The following COL25A1 variants were observed in gnomAD, a reference collection of about 807,000 sequenced individuals.
The protein encoded by COL25A1 is collagen type XXV alpha 1 chain, also known as collagen alpha-1(XXV) chain.
A neutral mutation model predicts 128.4 loss-of-function variants in COL25A1; 103 were observed. The ratio of observed to expected loss-of-function variants is 0.80; its 90% CI spans 0.68 to 0.94. COL25A1 has a LOEUF of 0.94. Among genes scored for constraint, COL25A1 ranks in the 40% least tolerant of loss-of-function variants. The pLI is 0.00. For synonymous variants in COL25A1, 279 were observed against 277.2 expected, an observed-to-expected ratio of 1.01 and a Z score of -0.06; for missense variants, 745 against 840.0, an observed-to-expected ratio of 0.89 and a Z score of 1.40.
At chr4:108,865,507 A>G (rs573334874) in intron 20 of COL25A1, among the ~76,000 whole-genome samples, 5 of 152,322 alleles carry the variant, frequency 3.3e-5, no homozygotes, top group African/African-American at 1.2e-4. Context: ...AGATAGACAC[A>G]ATGGCCCAGA....
intron 3 of COL25A1, among the ~76,000 whole-genome samples, chr4:109,126,319 A>G (rs894025664): frequency 1.3e-5 from 2 of 152,138 alleles, no homozygotes; most frequent in African/African-American, 4.8e-5. Context: ...GAGACTTTCA[A>G]GGAATAAGAA....
chr4:109,106,996 T>G (rs1490767698), intron 3 of COL25A1, among the ~76,000 whole-genome samples: 19 of 152,150 alleles, frequency 1.2e-4, no homozygotes, highest in Non-Finnish European at 2.5e-4. Flanking sequence ...CTTGAACTCC[T>G]GGGCTCAAGC....
At chr4:109,267,046 AT>A (rs1255306006) in intron 3 of COL25A1, among the ~76,000 whole-genome samples, 1 of 152,276 alleles carries the variant, frequency 6.6e-6, no homozygotes, top group East Asian at 1.9e-4. Context: ...ACTGGTGTGC[AT>A]TTTTTTAAGC....
chr4:109,133,527 A>G (rs1216908787), intron 3 of COL25A1, among the ~76,000 whole-genome samples: 1 of 152,138 alleles, frequency 6.6e-6, no homozygotes, highest in African/African-American at 2.4e-5. Context: ...AGAAAGGGCC[A>G]AATTTGCTCA....
At chr4:108,913,733 A>C (rs994058275) in intron 13 of COL25A1, among the ~76,000 whole-genome samples, 2 of 152,240 alleles carry the variant, frequency 1.3e-5, no homozygotes, top group African/African-American at 2.4e-5. Flanking sequence ...AAAAACCAAC[A>C]TCTAAGTATA....
Position 109,033,008 on chromosome 4 carries a change from TA to T in COL25A1, c.420+15159del, listed in dbSNP as rs556687696. 3.4e-3 allele frequency among the ~76,000 whole-genome samples: 513 copies of T among 152,298 alleles called. 2 individuals are homozygous for T. Among genetic ancestry groups the T allele is most frequent in the African/African-American group, 0.012 (479 of 41,556 alleles). ...TGTATTAATAATTGGTGTGCACAAGTAAATTAGGCTATCCCACCAGGTCCTC... is the reference window on the plus strand; with the variant it reads ...TGTATTAATAATTGGTGTGCACAAGTAATTAGGCTATCCCACCAGGTCCTC... On this transcript the variant is annotated intron_variant, in intron 5 of 37. Transcript: ENST00000399132.
At chr4:108,943,243 A>G (rs1159760263) in intron 8 of COL25A1, among the ~76,000 whole-genome samples, 6 of 152,218 alleles carry the variant, frequency 3.9e-5, no homozygotes, top group Admixed American at 3.9e-4. Flanking sequence ...GGAGATAACT[A>G]TAGACACTGT....
chr4:108,925,574 G>A (rs965193949), intron 11 of COL25A1, among the ~76,000 whole-genome samples: 2 of 152,172 alleles, frequency 1.3e-5, no homozygotes, highest in Non-Finnish European at 2.9e-5. Context: ...TATGTGTATG[G>A]CCTTGTAGGT....
chr4:109,142,749 T>C (rs1223354417), intron 3 of COL25A1, among the ~76,000 whole-genome samples: 4 of 152,168 alleles, frequency 2.6e-5, no homozygotes, highest in Admixed American at 1.3e-4. Context: ...TTTTTTGCTT[T>C]CCATTTTCTT....
At position 108,912,225 on chromosome 4, in the gene COL25A1, T is replaced by C. The variant is rs898012309; in HGVS notation, c.780+5947A>G. On this transcript the variant is annotated intron_variant, in intron 13 of 37. Coordinates refer to ENST00000399132, the MANE Select transcript of COL25A1 (RefSeq NM_198721.4). ...AGGAATGGATGAAGTTATTTGACTT[T>C]ATGAAATATCTGTAATAGGAAATGA... Among the ~76,000 whole-genome samples, 15 of 152,288 alleles carry C rather than the reference T, an allele frequency of 9.8e-5. No homozygotes were observed. The East Asian group carries it at 2.3e-3, about 23-fold the overall frequency.
chr4:108,911,918 A>G (rs1346559357), intron 13 of COL25A1, among the ~76,000 whole-genome samples: 1 of 149,204 alleles, frequency 6.7e-6, no homozygotes, highest in African/African-American at 2.5e-5. Flanking sequence ...CAATATTTTC[A>G]TTCGCTACAA....
At chr4:109,067,976 T>A (rs1446010973) in intron 3 of COL25A1, among the ~76,000 whole-genome samples, 1 of 152,166 alleles carries the variant, frequency 6.6e-6, no homozygotes, top group African/African-American at 2.4e-5. Flanking sequence ...ACCAAAGGAA[T>A]GTCAAAGATG....
In COL25A1 at chr4:108,940,662, G is replaced by C. The variant is rs377577932; in HGVS notation, c.565-16C>G. ...CTTGGTCACCCTGTGATGGAGAAGG[G>C]AACAGACCAGCAATAACCATGAAAG... On this transcript the variant is annotated splice_polypyrimidine_tract_variant and intron_variant, in intron 9 of 37. Transcript: ENST00000399132. 78 of 1,507,888 alleles carry C rather than the reference G, an allele frequency of 5.2e-5. 1 individual carries two copies. The African/African-American group carries it at 9.1e-4, about 18-fold the overall frequency. The allele number at this position is 1,507,888 out of a possible 1,614,324, so 93.4% of individuals were successfully genotyped here.
At chr4:109,285,834 A>G (rs751131506) in intron 3 of COL25A1, among the ~76,000 whole-genome samples, 6 of 152,098 alleles carry the variant, frequency 3.9e-5, no homozygotes, top group Non-Finnish European at 7.4e-5. Context: ...GCTACAAATC[A>G]GAGTTGGGTT....
chr4:109,008,744 TACATGCGCGCGCACAC>T (rs781288952), intron 6 of COL25A1, among the ~76,000 whole-genome samples: 28 of 151,274 alleles, frequency 1.9e-4, no homozygotes, highest in Non-Finnish European at 2.9e-4. Flanking sequence ...TTTATACACA[TACATGCGCGCGCACAC>T]ACACACACAC....
chr4:109,212,880 G>A (rs1032229342), intron 3 of COL25A1, among the ~76,000 whole-genome samples: 5 of 152,152 alleles, frequency 3.3e-5, no homozygotes, highest in African/African-American at 1.2e-4. Context: ...TCTGTCTTCT[G>A]CGGCAGAAGA....
At chr4:108,938,620 G>T (rs1255457393) in intron 10 of COL25A1, among the ~76,000 whole-genome samples, 1 of 152,154 alleles carries the variant, frequency 6.6e-6, no homozygotes, top group Non-Finnish European at 1.5e-5. Flanking sequence ...ACTTTGGGAG[G>T]CCGAGGTGGG....
At chr4:108,974,478 A>G in intron 7 of COL25A1, 55 bp downstream of exon 7, 1 of 1,606,142 alleles carries the variant, frequency 6.2e-7, no homozygotes, top group South Asian at 1.1e-5. Context: ...AACACAGTAT[A>G]GGTCACGCCA....
intron 3 of COL25A1, among the ~76,000 whole-genome samples, chr4:109,094,376 A>C (rs957756374): frequency 7.2e-5 from 11 of 152,190 alleles, no homozygotes; most frequent in African/African-American, 2.4e-4. Flanking sequence ...CTTGGCAGAC[A>C]CTTAGCCCCA....
Sources: gnomAD v4.1 joint callset for allele counts (sites outside exome capture counted in the v4.1 genomes callset) on GRCh38, gnomAD v4.1.1 for gene constraint, MANE v1.5 for transcripts, NCBI Gene and HGNC (gene_info 2026-07-23, HGNC 2026-07-21) for gene names.